COL4A2: variants seen among roughly 807,000 people sequenced by gnomAD.
The protein encoded by COL4A2 is collagen alpha-2(IV) chain.
COL4A2 carries 99 observed loss-of-function variants against 200.2 expected under a neutral mutation model. That is an observed-to-expected ratio of 0.49 (90% CI 0.42 to 0.58). COL4A2 has a LOEUF of 0.58. Among genes scored for constraint, COL4A2 ranks in the 20% least tolerant of loss-of-function variants. The pLI, the probability that COL4A2 is intolerant of heterozygous loss-of-function variation, is 0.00. For synonymous variants in COL4A2, 897 were observed against 900.6 expected (o/e 1.00, Z 0.07); for missense variants, 1,950 against 2,314.1 (o/e 0.84, Z 3.23).
At chr13:110,318,313 C>T (rs115995551) in intron 3 of COL4A2, among the ~76,000 whole-genome samples, 148 of 149,094 alleles carry the variant, frequency 9.9e-4, no homozygotes, top group African/African-American at 3.6e-3. Flanking sequence ...TGTGTGTGTG[C>T]GCGCGGGTAT....
intron 10 of COL4A2, among the ~76,000 whole-genome samples, chr13:110,431,411 T>C (rs894817814): frequency 2.6e-5 from 4 of 152,156 alleles, no homozygotes; most frequent in Non-Finnish European, 4.4e-5. Flanking sequence ...GGGGTACTCA[T>C]AATTCTCTTC....
At chr13:110,355,355 TGG>T (rs1369153089) in intron 3 of COL4A2, among the ~76,000 whole-genome samples, 1 of 83,896 alleles carries the variant, frequency 1.2e-5, no homozygotes, top group Non-Finnish European at 2.0e-5. Flanking sequence ...CCTGTGTGTG[TGG>T]GGGAGGGCTG....
chr13:110,495,584 T>G (rs569419972), intron 40 of COL4A2, 117 bp downstream of exon 40: 1 of 1,362,828 alleles, frequency 7.3e-7, no homozygotes, highest in South Asian at 1.4e-5. Flanking sequence ...AGGAAAGAGC[T>G]GGTTTTTCTG....
At chr13:110,446,927 A>G in intron 18 of COL4A2, 63 bp downstream of exon 18, 3 of 1,391,580 alleles carry the variant, frequency 2.2e-6, no homozygotes, top group Non-Finnish European at 3.0e-6. Context: ...TGTTAGGGAC[A>G]CAGAGCTATG....
intron 3 of COL4A2, among the ~76,000 whole-genome samples, chr13:110,327,722 CA>C (rs1201062908): frequency 6.6e-6 from 1 of 152,182 alleles, no homozygotes; most frequent in Non-Finnish European, 1.5e-5. Context: ...CCAACAGCTC[CA>C]GAGAAATAGT....
Position 110,377,390 on chromosome 13 carries a change from C to G in COL4A2, c.180+19838C>G, listed in dbSNP as rs139072817. Among the ~76,000 whole-genome samples, 210 of 152,348 alleles carry G rather than the reference C, an allele frequency of 1.4e-3. 4 individuals carry two copies. In the East Asian group the frequency reaches 0.038, roughly 28 times the overall value. ...CCCCTCACTCCTGCCTGGTCACTCT[C>G]CTGACCCTCCAGTTTACTTTCTGGC... On this transcript the variant is annotated intron_variant, in intron 4 of 47. Coordinates refer to ENST00000360467, the MANE Select transcript of COL4A2 (RefSeq NM_001846.4).
intron 4 of COL4A2, among the ~76,000 whole-genome samples, chr13:110,363,495 G>A (rs1052281571): frequency 1.3e-5 from 2 of 152,150 alleles, no homozygotes; most frequent in African/African-American, 4.8e-5. Context: ...AAGAGAAGAG[G>A]GAACGAGTGC....
intron 30 of COL4A2, among the ~76,000 whole-genome samples, chr13:110,478,857 G>C (rs1019171989): frequency 6.6e-6 from 1 of 152,388 alleles, no homozygotes; most frequent in South Asian, 2.1e-4. Context: ...GAAAGACGCA[G>C]TTGCTTAATA....
intron 4 of COL4A2, among the ~76,000 whole-genome samples, chr13:110,408,881 A>G (rs1259854305): frequency 1.5e-5 from 2 of 129,658 alleles, no homozygotes; most frequent in African/African-American, 5.7e-5. Context: ...ACACATGGAC[A>G]CGCGCACACG....
intron 38 of COL4A2, 52 bp downstream of exon 38, chr13:110,492,229 C>T (rs1202635841): frequency 3.4e-6 from 5 of 1,474,802 alleles, no homozygotes; most frequent in Non-Finnish European, 4.6e-6. Flanking sequence ...GTGGGCTGTG[C>T]AGGAGGCACC....
chr13:110,389,410 G>A (rs779913360), intron 4 of COL4A2, among the ~76,000 whole-genome samples: 4 of 152,178 alleles, frequency 2.6e-5, no homozygotes, highest in Non-Finnish European at 4.4e-5. Context: ...AGAAGTGTGC[G>A]TGTGCGAGAA....
At chr13:110,417,751 A>G (rs1880097938) in intron 4 of COL4A2, among the ~76,000 whole-genome samples, 1 of 152,178 alleles carries the variant, frequency 6.6e-6, no homozygotes, top group Admixed American at 6.5e-5. Context: ...CACATAGCAG[A>G]ATGCCTTTGA....
chr13:110,470,492 G>A (rs1041299755), intron 28 of COL4A2, among the ~76,000 whole-genome samples: 1 of 152,118 alleles, frequency 6.6e-6, no homozygotes, highest in Non-Finnish European at 1.5e-5. Context: ...GAGAGAGGCG[G>A]CCACATCTCC....
intron 3 of COL4A2, among the ~76,000 whole-genome samples, chr13:110,355,354 GT>G (rs1390265806): frequency 1.8e-4 from 22 of 124,190 alleles, no homozygotes; most frequent in African/African-American, 6.3e-4. Context: ...ACCTGTGTGT[GT>G]GGGGGAGGGC....
rs375958022 is a variant in COL4A2 at position 110,334,373 on chromosome 13, C to T, written c.100-23099C>T. Among the ~76,000 whole-genome samples, 7 of 152,332 alleles carry T rather than the reference C, an allele frequency of 4.6e-5. No individual in the cohort carries two copies. In the East Asian group the frequency reaches 7.7e-4, roughly 17 times the overall value. On this transcript the variant is annotated intron_variant, in intron 3 of 47. Transcript: ENST00000360467. ...CATCTGCATGTTGGAAGTGCCTGCA[C>T]GATGCCCTAAGGATTCTGTTCCAGA...
At chr13:110,422,464 C>T (rs1024241519) in intron 4 of COL4A2, among the ~76,000 whole-genome samples, 4 of 152,190 alleles carry the variant, frequency 2.6e-5, no homozygotes, top group Non-Finnish European at 5.9e-5. Flanking sequence ...AGAATGTTCT[C>T]CAAAGACACT....
At chr13:110,322,614 G>A (rs1234041793) in intron 3 of COL4A2, among the ~76,000 whole-genome samples, 3 of 152,168 alleles carry the variant, frequency 2.0e-5, no homozygotes, top group Non-Finnish European at 4.4e-5. Context: ...TCTTCCCCAT[G>A]GCTTCACCAA....
At chr13:110,431,378 G>C (rs1880675590) in intron 10 of COL4A2, among the ~76,000 whole-genome samples, 1 of 152,132 alleles carries the variant, frequency 6.6e-6, no homozygotes, top group Non-Finnish European at 1.5e-5. Context: ...TGTCTGGGGA[G>C]ACTCAGTCAA....
chr13:110,363,092 G>C (rs1349462059), intron 4 of COL4A2, among the ~76,000 whole-genome samples: 1 of 152,184 alleles, frequency 6.6e-6, no homozygotes, highest in Non-Finnish European at 1.5e-5. Context: ...GAATTAGTGA[G>C]ATGGTCAAAT....
Sources: gnomAD v4.1 joint callset for allele counts (sites outside exome capture counted in the v4.1 genomes callset) on GRCh38, gnomAD v4.1.1 for gene constraint, MANE v1.5 for transcripts, NCBI Gene and HGNC (gene_info 2026-07-23, HGNC 2026-07-21) for gene names.